DCHS2: variants seen among roughly 807,000 people sequenced by gnomAD.
DCHS2 encodes the protein protocadherin-23.
In DCHS2, 142 loss-of-function variants were observed where a neutral mutation model predicts 182.4. The ratio of observed to expected loss-of-function variants is 0.78; its 90% CI spans 0.68 to 0.89. The LOEUF is 0.89. DCHS2 is among the 40% of genes least tolerant of loss of function. The probability of loss-of-function intolerance (pLI) is 0.00; values close to 1 mark genes in which losing one functional copy is unlikely to be tolerated. For synonymous variants in DCHS2, 1,740 were observed against 1,663.3 expected (o/e 1.05, Z -1.12); for missense variants, 4,319 against 4,198.6 (o/e 1.03, Z -0.79).
chr4:154,468,626 C>T (rs1320892085), intron 1 of DCHS2, among the ~76,000 whole-genome samples: 1 of 152,128 alleles, frequency 6.6e-6, no homozygotes, highest in Admixed American at 6.6e-5. Context: ...TAGTCCATTT[C>T]ATAATGATAA....
In DCHS2 at chr4:154,473,512, T is replaced by C. The variant is rs576920640; in HGVS notation, c.2052+15792A>G. ...GACACCCAGGTGACATATGGAAATG[T>C]TTTTTGGTGCGCCTTGCCCAATTTT... On this transcript the variant is annotated intron_variant, in intron 1 of 19. Coordinates refer to ENST00000357232, the MANE Select transcript of DCHS2 (RefSeq NM_001358235.2). Among the ~76,000 whole-genome samples, 68 of 21,896 alleles carry C rather than the reference T, an allele frequency of 3.1e-3. No individual in the cohort carries two copies. In the South Asian group the frequency reaches 0.3, roughly 97 times the overall value. The allele number at this position is 21,896 out of a possible 152,430, so 14.4% of individuals were successfully genotyped here. A position where few individuals can be genotyped will look rare whatever the true frequency, so the allele number is the denominator to read the frequency against.
chr4:154,384,121 G>C (rs912658335), intron 1 of DCHS2, among the ~76,000 whole-genome samples: 8 of 152,106 alleles, frequency 5.3e-5, no homozygotes, highest in African/African-American at 1.9e-4. Flanking sequence ...AGCTGAAATA[G>C]GACTATAATA....
chr4:154,238,747 T>C (rs1251941526), intron 19 of DCHS2, among the ~76,000 whole-genome samples: 3 of 152,212 alleles, frequency 2.0e-5, no homozygotes, highest in African/African-American at 7.2e-5. Context: ...ATTACTGATT[T>C]TTTTTAACTT....
At chr4:154,471,800 C>A (rs1369547823) in intron 1 of DCHS2, among the ~76,000 whole-genome samples, 1 of 151,866 alleles carries the variant, frequency 6.6e-6, no homozygotes. Flanking sequence ...CAAATCTGTG[C>A]CCAATCTTCA....
chr4:154,480,933 C>G (rs1291287247), intron 1 of DCHS2, among the ~76,000 whole-genome samples: 1 of 152,094 alleles, frequency 6.6e-6, no homozygotes, highest in Non-Finnish European at 1.5e-5. Context: ...GCCTAATATT[C>G]TAATTATAAT....
intron 7 of DCHS2, among the ~76,000 whole-genome samples, chr4:154,324,615 T>A (rs918410584): frequency 6.6e-6 from 1 of 152,186 alleles, no homozygotes; most frequent in African/African-American, 2.4e-5. Flanking sequence ...ATCTGAACAT[T>A]TCAAACAGTT....
At chr4:154,320,233 A>T in intron 9 of DCHS2, 146 bp downstream of exon 9, 1 of 1,326,412 alleles carries the variant, frequency 7.5e-7, no homozygotes, top group Non-Finnish European at 1.0e-6. Context: ...AAGGTAAATA[A>T]TATCTAGAGA....
chr4:154,270,647 A>G (rs574751639), intron 13 of DCHS2, among the ~76,000 whole-genome samples: 1 of 151,814 alleles, frequency 6.6e-6, no homozygotes, highest in South Asian at 2.1e-4. Context: ...GTGCTGTGAG[A>G]ACAGAGAAGA....
At chr4:154,440,927 A>G (rs1433743588) in intron 1 of DCHS2, among the ~76,000 whole-genome samples, 1 of 152,200 alleles carries the variant, frequency 6.6e-6, no homozygotes, top group Non-Finnish European at 1.5e-5. Context: ...ATTAGAGAAA[A>G]TACAGGATGC....
At chr4:154,472,234 T>C (rs1013031697) in intron 1 of DCHS2, among the ~76,000 whole-genome samples, 2 of 152,224 alleles carry the variant, frequency 1.3e-5, no homozygotes, top group Non-Finnish European at 1.5e-5. Flanking sequence ...ACAATGATTG[T>C]AATTTTCTGT....
At chr4:154,384,745 T>C (rs759478074) in intron 1 of DCHS2, among the ~76,000 whole-genome samples, 1 of 151,886 alleles carries the variant, frequency 6.6e-6, no homozygotes, top group Non-Finnish European at 1.5e-5. Context: ...ATTGAAGGGA[T>C]GTGGCCACAA....
At chr4:154,253,835 T>C (rs17031307) in intron 16 of DCHS2, among the ~76,000 whole-genome samples, 3,539 of 150,642 alleles carry the variant, frequency 0.023, 143 homozygotes, top group African/African-American at 0.081. Context: ...TCAGCTCTCA[T>C]TGCTCAACCA....
At chr4:154,443,396 A>T (rs1734118146) in intron 1 of DCHS2, among the ~76,000 whole-genome samples, 1 of 152,204 alleles carries the variant, frequency 6.6e-6, no homozygotes, top group South Asian at 2.1e-4. Context: ...ATTCTCACAT[A>T]CACATTGTGG....
At chr4:154,424,991 C>A (rs562809753) in intron 1 of DCHS2, among the ~76,000 whole-genome samples, 3 of 152,134 alleles carry the variant, frequency 2.0e-5, no homozygotes, top group Non-Finnish European at 4.4e-5. Context: ...AACATCTTTT[C>A]CAAGCAAGAG....
intron 15 of DCHS2, 121 bp downstream of exon 15, chr4:154,259,424 T>TTGTA: frequency 1.4e-6 from 2 of 1,460,540 alleles, no homozygotes; most frequent in Non-Finnish European, 1.8e-6. Context: ...GGAAAGAGTG[T>TTGTA]TGTACTACAG....
chr4:154,286,321 A>G lies in DCHS2; in HGVS notation c.6463+11530T>C, dbSNP rs1427923658. On this transcript the variant is annotated intron_variant, in intron 13 of 19. Transcript: ENST00000357232. ...CTGAAGAACATCCATAAGCATCAGT[A>G]CCATCCAGGAAAACATGACCTTACC... is the stretch of plus-strand genomic sequence containing the variant. Among the ~76,000 whole-genome samples the G allele has an allele frequency of 2.0e-5, 3 of 152,146 alleles. No individual in the cohort carries two copies. The East Asian group carries it at 5.8e-4, about 29-fold the overall frequency.
chr4:154,269,773 C>T (rs1733482177), intron 14 of DCHS2, 127 bp downstream of exon 14: 6 of 971,078 alleles, frequency 6.2e-6, no homozygotes, highest in Non-Finnish European at 7.3e-6. Flanking sequence ...CATAGGCTAG[C>T]TTAAAAAATT....
At chr4:154,243,185 C>A (rs1361631353) in intron 16 of DCHS2, among the ~76,000 whole-genome samples, 1 of 152,100 alleles carries the variant, frequency 6.6e-6, no homozygotes, top group Non-Finnish European at 1.5e-5. Context: ...CTTACTGAAC[C>A]AACAAAAGAT....
chr4:154,389,509 A>T (rs2110842524), intron 1 of DCHS2, among the ~76,000 whole-genome samples: 1 of 52,778 alleles, frequency 1.9e-5, no homozygotes, highest in Non-Finnish European at 5.2e-5. Flanking sequence ...ATTCCTAAAG[A>T]CAAAGGTTAT....
Sources: allele counts gnomAD v4.1 joint callset (sites outside exome capture counted in the v4.1 genomes callset), GRCh38; gene constraint gnomAD v4.1.1; transcripts MANE v1.5; gene names NCBI Gene and HGNC (gene_info 2026-07-23, HGNC 2026-07-21).